The following KDM6B variants were observed in gnomAD, a reference collection of about 807,000 sequenced individuals.
KDM6B encodes lysine demethylase 6B, also known as lysine-specific demethylase 6B.
In KDM6B, 22 loss-of-function variants were observed where a neutral mutation model predicts 150.4. The observed-to-expected ratio is 0.15, with a 90% confidence interval of 0.10 to 0.21. The LOEUF is 0.21. Among genes scored for constraint, KDM6B ranks in the 10% least tolerant of loss-of-function variants. The pLI, the probability that KDM6B is intolerant of heterozygous loss-of-function variation, is 1.00. For missense variants in KDM6B, 1,984 were observed against 2,234.3 expected, an observed-to-expected ratio of 0.89 and a Z score of 2.26; for synonymous variants, 1,148 against 921.1, an observed-to-expected ratio of 1.25 and a Z score of -4.46.
chr17:7,852,103 C>T (rs774794694), intron 19 of KDM6B, 38 bp downstream of exon 19: 1 of 1,613,714 alleles, frequency 6.2e-7, no homozygotes, highest in South Asian at 1.1e-5. Flanking sequence ...TGCCGCGTCC[C>T]CGCCCTCGGT....
chr17:7,847,722 C>G lies in KDM6B; in HGVS notation c.1434C>G (p.Arg478=). The G allele has an allele frequency of 7.1e-7, 1 of 1,412,624 alleles. No individual in the cohort carries two copies. The highest frequency in any genetic ancestry group is 9.5e-7 in the Non-Finnish European group (1 of 1,054,116). 87.5% of individuals were successfully genotyped at this position (1,412,624 alleles called of 1,614,324 possible). A position where few individuals can be genotyped will look rare whatever the true frequency, so the allele number is the denominator to read the frequency against. Residue 478 remains arginine, a synonymous_variant, in exon 12 of 24, where the codon CGC becomes CGG. Transcript: ENST00000448097. ...CACCCCCCTGTCCCCGCCTCTTACG[C>G]CCCCCACCACCCCCTGCCTGGTTGA... ...PPPPPCPRLL[R]PPPPPAWLKG...
In KDM6B at chr17:7,846,211, G is replaced by A; in HGVS notation, c.370G>A (p.Glu124Lys). 6.2e-7 allele frequency: 1 copy of A among 1,614,164 alleles called. No individual in the cohort carries two copies. The highest frequency in any genetic ancestry group is 1.6e-4 in the Middle Eastern group (1 of 6,062). Residue 124 changes from glutamate to lysine, a missense_variant, in exon 7 of 24, where the codon GAG becomes AAG. Glu to Lys is a moderately conservative substitution (Grantham distance 56). This residue lies in a region of KDM6B where 337 missense variants were observed against 323.9 expected (regional missense o/e 1.04). Coordinates refer to ENST00000448097, the MANE Select transcript of KDM6B (RefSeq NM_001348716.2). ...GQLYESEHDS[E>K]EATRCYHSAL... ...ACTGTACGAGTCAGAGCACGATAGT[G>A]AGGAGGCCACACGCTGCTACCACAG...
rs1162088460 is a variant in KDM6B at position 7,834,259 on chromosome 17, C to A, written c.-479C>A. 6.6e-6 allele frequency among the ~76,000 whole-genome samples: 1 copy of A among 151,200 alleles called. No homozygotes were observed. The highest frequency in any genetic ancestry group is 2.1e-4 in the South Asian group (1 of 4,762). ...CAACTGCGCCACTGGGCGGAGCGGC[C>A]CCCCCAGCCCCGGCCTGGGAGAAGG... On this transcript the variant is annotated 5_prime_UTR_variant, in exon 1 of 24. Transcript: ENST00000448097.
intron 2 of KDM6B, among the ~76,000 whole-genome samples, chr17:7,840,977 A>T: frequency 6.6e-6 from 1 of 152,152 alleles, no homozygotes; most frequent in African/African-American, 2.4e-5. Context: ...AGGGAGGGAG[A>T]GTAGGACAGA....
intron 11 of KDM6B, 36 bp downstream of exon 11, chr17:7,847,488 G>A (rs1473849915): frequency 6.2e-7 from 1 of 1,613,476 alleles, no homozygotes; most frequent in Admixed American, 1.7e-5. Context: ...GGGGATGGGT[G>A]GAGCTTGTCT....
intron 2 of KDM6B, among the ~76,000 whole-genome samples, chr17:7,842,610 G>A (rs1272979337): frequency 6.6e-6 from 1 of 152,182 alleles, no homozygotes; most frequent in Non-Finnish European, 1.5e-5. Context: ...CGGCGACTGG[G>A]GAACAGGTGC....
At chr17:7,845,793 C>G in intron 5 of KDM6B, 79 bp from the exon 6 acceptor site, 1 of 1,586,330 alleles carries the variant, frequency 6.3e-7, no homozygotes, top group Non-Finnish European at 8.7e-7. Flanking sequence ...TGTGGGCTTC[C>G]GTGCATCAGC....
chr17:7,853,319 T>A lies in KDM6B; in HGVS notation c.4847T>A (p.Val1616Glu). 1 of 1,592,124 alleles carries A rather than the reference T, an allele frequency of 6.3e-7. No individual in the cohort carries two copies. Among genetic ancestry groups the A allele is most frequent in the Non-Finnish European group, 8.5e-7 (1 of 1,170,610 alleles). ...CGCCGCAGCGCAGGCCTGCAGGGCG[T>A]GGTGGTGCTGGAGCAGTACCGCACT... ...ARRRSAGLQG[V>E]VVLEQYRTEE... Residue 1616 changes from valine (V) to glutamate (E), a missense_variant, in exon 23 of 24, where the codon GTG becomes GAG. Around this residue, in one of 13 missense-constraint regions of KDM6B, gnomAD observed 58 missense variants for 76.4 expected, o/e 0.76. Transcript: ENST00000448097.
At chr17:7,842,863 A>C (rs548364866) in intron 2 of KDM6B, among the ~76,000 whole-genome samples, 64 of 114,270 alleles carry the variant, frequency 5.6e-4, no homozygotes, top group African/African-American at 2.0e-3. Context: ...AGGGCTTTGT[A>C]CGGGGGGCGG....
chr17:7,852,985 C>T lies in KDM6B; in HGVS notation c.4611-15C>T. The T allele has an allele frequency of 6.2e-7, 1 of 1,613,658 alleles. No homozygotes were observed. The highest frequency in any genetic ancestry group is 1.1e-5 in the South Asian group (1 of 90,894). On this transcript the variant is annotated splice_polypyrimidine_tract_variant and intron_variant, in intron 21 of 23. Coordinates refer to ENST00000448097, the MANE Select transcript of KDM6B (RefSeq NM_001348716.2). The stretch of plus-strand genomic sequence containing the variant: ...TCCTTGCCGGTGGTCTCAACACAAC[C>T]CCACTGCTCCCCAGGTTCTGCCTGC...
intron 1 of KDM6B, among the ~76,000 whole-genome samples, chr17:7,834,836 C>T (rs2078299773): frequency 6.6e-6 from 1 of 152,172 alleles, no homozygotes; most frequent in South Asian, 2.1e-4. Flanking sequence ...CACCAGCGGC[C>T]CCGAGAGCTT....
chr17:7,841,031 C>G (rs530285776), intron 2 of KDM6B, among the ~76,000 whole-genome samples: 1 of 152,276 alleles, frequency 6.6e-6, no homozygotes, highest in African/African-American at 2.4e-5. Context: ...GGAAAGAAGC[C>G]TAGCTCTTTC....
intron 14 of KDM6B, 61 bp from the exon 15 acceptor site, chr17:7,850,960 T>G: frequency 7.0e-7 from 1 of 1,431,808 alleles, no homozygotes. Flanking sequence ...AAGGGTCGAT[T>G]GGGTCCTCGG....
rs199948381 is a variant in KDM6B at position 7,847,050 on chromosome 17, C to T, written c.909+34C>T. ...CTGCCTGTTGCCTTTCACCTCTCAC[C>T]TACAAGTCCCACGCTCTCTATTCCT... On this transcript the variant is annotated intron_variant, in intron 10 of 23. Transcript: ENST00000448097. 2.1e-5 allele frequency: 34 copies of T among 1,611,198 alleles called. No individual in the cohort carries two copies. In the East Asian group the frequency reaches 2.7e-4, roughly 13 times the overall value.
chr17:7,841,054 C>T (rs754529518), intron 2 of KDM6B, among the ~76,000 whole-genome samples: 1 of 152,176 alleles, frequency 6.6e-6, no homozygotes, highest in African/African-American at 2.4e-5. Context: ...TCTTCACTTG[C>T]AGAATGACTT....
rs199687664 is a variant in KDM6B at position 7,848,914 on chromosome 17, G to A, written c.2626G>A (p.Gly876Arg). 2.1e-4 allele frequency: 329 copies of A among 1,602,072 alleles called. No individual in the cohort carries two copies. Among genetic ancestry groups the A allele is most frequent in the Non-Finnish European group, 2.5e-4 (294 of 1,173,054 alleles). The change falls in exon 12 of 24, where the codon GGG (glycine) becomes AGG (arginine). Residue 876 changes from glycine (G) to arginine (R), a missense_variant. By Grantham distance (125) the Gly-to-Arg change is moderately radical. Transcript: ENST00000448097. ...GTCATCTCAGTTCTCTACCTCAGGCGGGCCCTGGGCCCGGGAGCGCAGGGC... is the reference window on the plus strand; with the variant it reads ...GTCATCTCAGTTCTCTACCTCAGGCAGGCCCTGGGCCCGGGAGCGCAGGGC... ...SSSSQFSTSGGPWARERRAGE... is the reference protein window; with the variant it reads ...SSSSQFSTSGRPWARERRAGE...
Position 7,847,325 on chromosome 17 carries a change from C to A in KDM6B, c.1130C>A (p.Ala377Glu), listed in dbSNP as rs575929747. 2.5e-6 allele frequency: 4 copies of A among 1,609,140 alleles called. No individual in the cohort carries two copies. Among genetic ancestry groups the A allele is most frequent in the Non-Finnish European group, 3.4e-6 (4 of 1,179,884 alleles). The change falls in exon 11 of 24, where the codon GCA (alanine) becomes GAA (glutamate). Residue 377 changes from alanine to glutamate, a missense_variant. Physicochemically the swap from Ala to Glu is moderately radical, Grantham distance 107. Coordinates refer to ENST00000448097, the MANE Select transcript of KDM6B (RefSeq NM_001348716.2). ...CGGATGGACTCCAGCGTTTCACCAG[C>A]AGCAACCACCGCCTGCGTGCCTTAC... ...RSRMDSSVSP[A>E]ATTACVPYAP...
rs769067929 is a variant in KDM6B at position 7,846,942 on chromosome 17, C to G, written c.835C>G (p.Pro279Ala). 7.2e-7 allele frequency: 1 copy of G among 1,392,148 alleles called. No individual in the cohort carries two copies. Among genetic ancestry groups the G allele is most frequent in the Non-Finnish European group, 9.6e-7 (1 of 1,040,830 alleles). The allele number at this position is 1,392,148 out of a possible 1,614,324, so 86.2% of individuals were successfully genotyped here. A position where few individuals can be genotyped will look rare whatever the true frequency, so the allele number is the denominator to read the frequency against. Reference sequence around the variant, plus strand: ...CAGCCCCCCATTTCAGCTAACCAAGCCAGGGCTGTGGAGTACCCTGCATGG... The same window carrying G: ...CAGCCCCCCATTTCAGCTAACCAAGGCAGGGCTGTGGAGTACCCTGCATGG... ...ATSPPFQLTK[P>A]GLWSTLHGDA... Residue 279 changes from proline to alanine, a missense_variant, in exon 10 of 24, where the codon CCA becomes GCA. Transcript: ENST00000448097.
Position 7,851,080 on chromosome 17 carries a change from G to A in KDM6B, c.3733G>A (p.Val1245Ile). ...AGCGAGTGGCGAACACACCGTGGAA[G>A]TTCGCACCCAGGTGCAGCAGCCCTC... ...VEASGEHTVE[V>I]RTQVQQPSDE... is the part of the protein sequence containing the mutation. The change falls in exon 15 of 24, where the codon GTT (valine) becomes ATT (isoleucine). Residue 1245 changes from valine (V) to isoleucine (I), a missense_variant. This residue lies in a region of KDM6B where 25 missense variants were observed against 36.4 expected (regional missense o/e 0.69). Coordinates refer to ENST00000448097, the MANE Select transcript of KDM6B (RefSeq NM_001348716.2). 2 of 1,613,540 alleles carry A rather than the reference G, an allele frequency of 1.2e-6. No individual in the cohort carries two copies. The highest frequency in any genetic ancestry group is 1.7e-6 in the Non-Finnish European group (2 of 1,180,018).
Sources: allele counts gnomAD v4.1 joint callset (sites outside exome capture counted in the v4.1 genomes callset), GRCh38; gene constraint gnomAD v4.1.1; regional missense constraint gnomAD v4.1.1; transcripts MANE v1.5; gene names NCBI Gene and HGNC (gene_info 2026-07-23, HGNC 2026-07-21).